Variants in KHDRBS2 observed in about 807,000 individuals in gnomAD.
KHDRBS2 encodes KH RNA binding domain containing, signal transduction associated 2.
Under a neutral mutation model 44.3 loss-of-function variants are expected in KHDRBS2, and 26 were observed. That is an observed-to-expected ratio of 0.59 (90% CI 0.43 to 0.81). The LOEUF is 0.81. KHDRBS2 is among the 40% of genes least tolerant of loss of function. The probability of loss-of-function intolerance (pLI) is 0.00; values close to 1 mark genes in which losing one functional copy is unlikely to be tolerated. For missense variants in KHDRBS2, 476 were observed against 433.1 expected (o/e 1.10, Z -0.88); for synonymous variants, 194 against 151.1 (o/e 1.28, Z -2.08).
the KHDRBS2 span, among the ~76,000 whole-genome samples, chr6:61,599,546 A>T: frequency 1.1e-4 from 17 of 152,204 alleles, no homozygotes; most frequent in East Asian, 1.2e-3. Context: ...ATGGTTAAGG[A>T]TAGTGTTTGC....
the KHDRBS2 span, among the ~76,000 whole-genome samples, chr6:61,628,852 A>G: frequency 6.6e-6 from 1 of 152,238 alleles, no homozygotes; most frequent in Admixed American, 6.5e-5. Flanking sequence ...TATACCATGG[A>G]CTTATGAAAA....
intron 2 of KHDRBS2, among the ~76,000 whole-genome samples, chr6:62,065,714 C>T (rs13203460): frequency 0.44 from 64,993 of 146,468 alleles, 16,073 homozygotes; most frequent in Non-Finnish European, 0.55. Flanking sequence ...AGCGCACCAG[C>T]ATGGCACATG....
At chr6:62,023,125 G>A (rs983065396) in intron 3 of KHDRBS2, among the ~76,000 whole-genome samples, 7 of 151,586 alleles carry the variant, frequency 4.6e-5, no homozygotes, top group Non-Finnish European at 8.9e-5. Context: ...AAACCTAGGA[G>A]GTCAAAGTAA....
At chr6:62,222,196 G>C (rs1454502145) in intron 1 of KHDRBS2, among the ~76,000 whole-genome samples, 2 of 151,940 alleles carry the variant, frequency 1.3e-5, no homozygotes, top group Admixed American at 6.6e-5. Context: ...CATGAATACT[G>C]CTTGAGATGG....
the KHDRBS2 span, among the ~76,000 whole-genome samples, chr6:61,562,245 T>C: frequency 6.6e-6 from 1 of 152,204 alleles, no homozygotes; most frequent in Admixed American, 6.5e-5. Context: ...GATCAGAGAC[T>C]ACTCTAGCCT....
intron 2 of KHDRBS2, among the ~76,000 whole-genome samples, chr6:62,056,751 C>G (rs539144421): frequency 4.6e-5 from 7 of 151,940 alleles, no homozygotes; most frequent in African/African-American, 1.7e-4. Context: ...AATACCAAGT[C>G]ATCCAAAGTG....
chr6:62,224,066 C>T (rs2150154201), intron 1 of KHDRBS2, among the ~76,000 whole-genome samples: 1 of 152,244 alleles, frequency 6.6e-6, no homozygotes, highest in Admixed American at 6.5e-5. Flanking sequence ...TATTTTCATG[C>T]TGCTGATAAA....
intron 2 of KHDRBS2, among the ~76,000 whole-genome samples, chr6:62,074,997 A>C (rs757221275): frequency 2.0e-5 from 3 of 152,036 alleles, no homozygotes; most frequent in Non-Finnish European, 4.4e-5. Context: ...TTCTCTCTTT[A>C]GTTAAAATGA....
At chr6:62,214,489 C>G (rs1274247058) in intron 1 of KHDRBS2, among the ~76,000 whole-genome samples, 2 of 147,204 alleles carry the variant, frequency 1.4e-5, no homozygotes, top group African/African-American at 4.9e-5. Context: ...ATGGCTAAGA[C>G]CTAACCAGAC....
chr6:61,991,860 G>A (rs1315806789), intron 3 of KHDRBS2, among the ~76,000 whole-genome samples: 1 of 152,176 alleles, frequency 6.6e-6, no homozygotes, highest in Non-Finnish European at 1.5e-5. Context: ...GCTGAAGAAG[G>A]TCTTGCAGAA....
At chr6:61,648,602 ACAAT>A in the KHDRBS2 span, among the ~76,000 whole-genome samples, 1 of 152,184 alleles carries the variant, frequency 6.6e-6, no homozygotes, top group African/African-American at 2.4e-5. Context: ...ATGAAGACAG[ACAAT>A]CAGAGACTTT....
At chr6:61,970,149 T>C (rs936730835) in intron 4 of KHDRBS2, among the ~76,000 whole-genome samples, 4 of 151,976 alleles carry the variant, frequency 2.6e-5, no homozygotes, top group African/African-American at 9.7e-5. Flanking sequence ...TATCTATATA[T>C]AATATCATGC....
At chr6:62,064,077 C>A (rs370978497) in intron 2 of KHDRBS2, among the ~76,000 whole-genome samples, 1 of 120,332 alleles carries the variant, frequency 8.3e-6, no homozygotes, top group Non-Finnish European at 1.8e-5. Flanking sequence ...TTACAAGGGA[C>A]GTGAAGGACC....
chr6:61,710,268 T>TTTGTG, intron 7 of KHDRBS2, among the ~76,000 whole-genome samples: 1 of 151,752 alleles, frequency 6.6e-6, no homozygotes, highest in Non-Finnish European at 1.5e-5. Context: ...TGTTTTGTGA[T>TTTGTG]TAGAAGCATT....
At chr6:62,249,082 A>C (rs1265994004) in intron 1 of KHDRBS2, among the ~76,000 whole-genome samples, 1 of 152,152 alleles carries the variant, frequency 6.6e-6, no homozygotes, top group African/African-American at 2.4e-5. Context: ...TCAGTGCTGA[A>C]GAATCTGTTT....
At chr6:62,160,496 C>T (rs1232989095) in intron 2 of KHDRBS2, among the ~76,000 whole-genome samples, 1 of 152,100 alleles carries the variant, frequency 6.6e-6, no homozygotes, top group Non-Finnish European at 1.5e-5. Context: ...TGGTAATGGG[C>T]AGTTAGCTCT....
At chr6:61,946,905 G>C (rs1022235325) in intron 4 of KHDRBS2, among the ~76,000 whole-genome samples, 3 of 152,148 alleles carry the variant, frequency 2.0e-5, no homozygotes, top group Non-Finnish European at 4.4e-5. Flanking sequence ...AGCAGGCTAG[G>C]AAATAAGGGC....
intron 2 of KHDRBS2, among the ~76,000 whole-genome samples, chr6:62,124,078 C>T (rs1283786702): frequency 1.3e-5 from 2 of 152,070 alleles, no homozygotes; most frequent in East Asian, 3.9e-4. Flanking sequence ...TTTGATGGAC[C>T]CTTTTCTGCT....
the KHDRBS2 span, chr6:61,630,480 G>C: frequency 6.6e-6 from 1 of 152,290 alleles, no homozygotes; most frequent in Admixed American, 6.5e-5. Flanking sequence ...TGGTGAACAG[G>C]ATTGTATTTG....
Sources: gnomAD v4.1 joint callset for allele counts (sites outside exome capture counted in the v4.1 genomes callset) on GRCh38, gnomAD v4.1.1 for gene constraint, MANE v1.5 for transcripts, NCBI Gene and HGNC (gene_info 2026-07-23, HGNC 2026-07-21) for gene names.